PTGER3: variants seen among roughly 807,000 people sequenced by gnomAD.
The protein encoded by PTGER3 is prostaglandin E receptor 3.
In PTGER3, 22 loss-of-function variants were observed where a neutral mutation model predicts 34.7. The ratio of observed to expected loss-of-function variants is 0.63; its 90% CI spans 0.45 to 0.91. The LOEUF (loss-of-function observed/expected upper bound fraction) is 0.91. Among genes scored for constraint, PTGER3 ranks in the 40% least tolerant of loss-of-function variants. PTGER3 has a pLI of 0.00. For synonymous variants in PTGER3, 241 were observed against 230.1 expected, an observed-to-expected ratio of 1.05 and a Z score of -0.43; for missense variants, 468 against 519.4, an observed-to-expected ratio of 0.90 and a Z score of 0.96.
intron 4 of PTGER3, among the ~76,000 whole-genome samples, chr1:70,930,177 C>A (rs957607326): frequency 6.6e-6 from 1 of 152,108 alleles, no homozygotes; most frequent in African/African-American, 2.4e-5. Flanking sequence ...CATATATTTG[C>A]AACACAGCTG....
intron 4 of PTGER3, among the ~76,000 whole-genome samples, chr1:70,943,743 G>A (rs1371335972): frequency 4.0e-5 from 6 of 151,778 alleles, no homozygotes; most frequent in Non-Finnish European, 7.4e-5. Context: ...CTTCTGAGTG[G>A]CTGAAACTGA....
At chr1:70,958,408 G>A in intron 2 of PTGER3, among the ~76,000 whole-genome samples, 1 of 152,224 alleles carries the variant, frequency 6.6e-6, no homozygotes, top group South Asian at 2.1e-4. Context: ...TTGTGGTTTT[G>A]ATGAGCATTC....
chr1:70,890,150 A>G (rs1572562964), intron 4 of PTGER3, among the ~76,000 whole-genome samples: 2 of 152,358 alleles, frequency 1.3e-5, no homozygotes, highest in South Asian at 2.1e-4. Flanking sequence ...TGAAGGAAGC[A>G]TAGACCCTCC....
At chr1:70,883,342 A>T (rs1468699666) in intron 4 of PTGER3, among the ~76,000 whole-genome samples, 1 of 152,212 alleles carries the variant, frequency 6.6e-6, no homozygotes, top group Non-Finnish European at 1.5e-5. Flanking sequence ...AAACATAGCA[A>T]ATTTTATAAT....
chr1:70,859,327 G>A (rs996196833), intron 4 of PTGER3, among the ~76,000 whole-genome samples: 1 of 152,170 alleles, frequency 6.6e-6, no homozygotes. Context: ...AAAAATGTTA[G>A]AGTCATGTAT....
intron 2 of PTGER3, among the ~76,000 whole-genome samples, chr1:70,987,811 C>T (rs575750102): frequency 9.9e-5 from 15 of 152,218 alleles, no homozygotes; most frequent in Non-Finnish European, 8.8e-5. Flanking sequence ...TTTATACATC[C>T]GATAAATAAA....
rs143733076 is a variant in PTGER3 at position 70,899,237 on chromosome 1, G to A, written c.*24-46378C>T. ...GAGATTCAGTCCATGATTTCCTACT[G>A]TTTACTGTCTAGTGGGGAATAGAGA... On this transcript the variant is annotated intron_variant, in intron 4 of 4. Coordinates refer to the PTGER3 transcript ENST00000370931. 2.5e-3 allele frequency among the ~76,000 whole-genome samples: 380 copies of A among 152,246 alleles called. 3 individuals are homozygous for A. The highest frequency in any genetic ancestry group is 8.3e-3 in the African/African-American group (346 of 41,536).
chr1:70,859,564 A>G (rs1402766973), intron 4 of PTGER3, among the ~76,000 whole-genome samples: 1 of 152,212 alleles, frequency 6.6e-6, no homozygotes, highest in African/African-American at 2.4e-5. Flanking sequence ...TTAGGTATTT[A>G]CAGTATCTGG....
At chr1:70,999,309 A>G (rs1029275170) in intron 2 of PTGER3, among the ~76,000 whole-genome samples, 1 of 152,200 alleles carries the variant, frequency 6.6e-6, no homozygotes, top group African/African-American at 2.4e-5. Flanking sequence ...GTTTCCTTGA[A>G]CAAAATGTTT....
chr1:70,853,879 T>C (rs1364403116), intron 4 of PTGER3, among the ~76,000 whole-genome samples: 1 of 152,082 alleles, frequency 6.6e-6, no homozygotes, highest in Admixed American at 6.6e-5. Flanking sequence ...GCTTAAAGGG[T>C]AGTCCTGTCA....
At chr1:71,029,958 A>ATAATAATAATAC (rs1342007534) in intron 1 of PTGER3, among the ~76,000 whole-genome samples, 2 of 146,278 alleles carry the variant, frequency 1.4e-5, no homozygotes, top group South Asian at 4.3e-4. Flanking sequence ...AATAATAATA[A>ATAATAATAATAC]TAACAAAATA....
intron 4 of PTGER3, among the ~76,000 whole-genome samples, chr1:70,897,138 C>A (rs112308166): frequency 0.01 from 1,581 of 152,214 alleles, 7 homozygotes; most frequent in South Asian, 0.02. Flanking sequence ...GATCTTGAGA[C>A]CCCGTTCCCC....
intron 2 of PTGER3, chr1:71,007,584 A>G (rs1657083004): frequency 2.0e-6 from 2 of 985,338 alleles, no homozygotes; most frequent in Non-Finnish European, 2.4e-6. Flanking sequence ...CAGGTTTTCC[A>G]TCATATCTTT....
At chr1:70,931,705 G>A (rs901291051) in intron 4 of PTGER3, among the ~76,000 whole-genome samples, 24 of 152,284 alleles carry the variant, frequency 1.6e-4, no homozygotes, top group Admixed American at 4.6e-4. Flanking sequence ...CAGCTTGGAT[G>A]CAGAGCACCA....
intron 4 of PTGER3, among the ~76,000 whole-genome samples, chr1:70,900,787 C>G (rs912465889): frequency 1.3e-5 from 2 of 152,186 alleles, no homozygotes; most frequent in Non-Finnish European, 2.9e-5. Flanking sequence ...TGAAGAATGT[C>G]ACACATGCCC....
intron 2 of PTGER3, among the ~76,000 whole-genome samples, chr1:70,986,621 A>G (rs950729569): frequency 6.6e-6 from 1 of 152,190 alleles, no homozygotes; most frequent in Non-Finnish European, 1.5e-5. Flanking sequence ...TCTAGCAACC[A>G]GGCAAGACAA....
chr1:70,964,344 T>C (rs1210353127), intron 2 of PTGER3, among the ~76,000 whole-genome samples: 3 of 152,184 alleles, frequency 2.0e-5, no homozygotes, highest in African/African-American at 7.2e-5. Context: ...ATTTACTGTA[T>C]CAGTCTGTTT....
intron 3 of PTGER3, chr1:70,953,695 C>G: frequency 6.5e-7 from 1 of 1,534,274 alleles, no homozygotes; most frequent in Non-Finnish European, 8.8e-7. Context: ...ACAAACAGTA[C>G]AGTTGGCAGA....
At chr1:70,897,938 C>G (rs527740872) in intron 4 of PTGER3, among the ~76,000 whole-genome samples, 4 of 152,136 alleles carry the variant, frequency 2.6e-5, no homozygotes, top group African/African-American at 9.6e-5. Context: ...TGCCAAGGAG[C>G]TATACTACTT....
Sources: allele counts gnomAD v4.1 joint callset (sites outside exome capture counted in the v4.1 genomes callset), GRCh38; gene constraint gnomAD v4.1.1; transcripts MANE v1.5; gene names NCBI Gene and HGNC (gene_info 2026-07-23, HGNC 2026-07-21).